The following VPS13D variants were observed in gnomAD, a reference collection of about 807,000 sequenced individuals.
The protein encoded by VPS13D is vacuolar protein sorting 13 homolog D.
VPS13D carries 187 observed loss-of-function variants against 461.9 expected under a neutral mutation model. That is an observed-to-expected ratio of 0.40 (90% CI 0.36 to 0.46). VPS13D has a LOEUF of 0.46. VPS13D is among the 20% of genes least tolerant of loss of function. VPS13D has a pLI of 0.60. For missense variants in VPS13D, 4,711 were observed against 5,364.9 expected, an observed-to-expected ratio of 0.88 and a Z score of 3.81; for synonymous variants, 1,951 against 1,986.3, an observed-to-expected ratio of 0.98 and a Z score of 0.47.
At chr1:12,415,362 T>TG in intron 64 of VPS13D, 141 bp downstream of exon 64, 1 of 1,082,338 alleles carries the variant, frequency 9.2e-7, no homozygotes, top group Non-Finnish European at 1.3e-6. Flanking sequence ...GTCAGGTCAC[T>TG]TCCCAAGAAG....
At chr1:12,363,304 C>A in intron 52 of VPS13D, 57 bp downstream of exon 52, 1 of 1,553,362 alleles carries the variant, frequency 6.4e-7, no homozygotes, top group South Asian at 1.2e-5. Flanking sequence ...AGATGCAGTA[C>A]TGTAATAACA....
intron 49 of VPS13D, among the ~76,000 whole-genome samples, chr1:12,358,020 G>T (rs1325186323): frequency 6.7e-6 from 1 of 149,698 alleles, no homozygotes; most frequent in Non-Finnish European, 1.5e-5. Context: ...AAAAAAAAAA[G>T]TATCAGCCCT....
At chr1:12,339,517 C>A (rs1177298939) in intron 40 of VPS13D, among the ~76,000 whole-genome samples, 1 of 152,186 alleles carries the variant, frequency 6.6e-6, no homozygotes, top group African/African-American at 2.4e-5. Context: ...TAGCTTTAGA[C>A]TCTCTCTCAG....
At chr1:12,417,926 C>T (rs554538115) in intron 65 of VPS13D, among the ~76,000 whole-genome samples, 7 of 151,858 alleles carry the variant, frequency 4.6e-5, no homozygotes, top group South Asian at 2.1e-4. Flanking sequence ...TTCTTTTTCG[C>T]GACAGAGTCT....
chr1:12,436,093 G>C (rs76623169), intron 65 of VPS13D, among the ~76,000 whole-genome samples: 1 of 152,228 alleles, frequency 6.6e-6, no homozygotes, highest in South Asian at 2.1e-4. Flanking sequence ...CTCTGTGCTA[G>C]GCACAGGGGA....
Position 12,484,705 on chromosome 1 carries a change from G to C in VPS13D, c.12663-12795G>C, listed in dbSNP as rs116827138. Among the ~76,000 whole-genome samples the C allele has an allele frequency of 7.8e-3, 1,184 of 152,296 alleles. 16 individuals are homozygous for C. The highest frequency in any genetic ancestry group is 0.026 in the African/African-American group (1,085 of 41,554). ...TTGGTGGCCCAGCAGTCTCAATCCT[G>C]GTTTCTTCTGACCTAAGATTGGTGG... On this transcript the variant is annotated intron_variant, in intron 67 of 69. Transcript: ENST00000620676.
chr1:12,421,001 C>G (rs1012956435), intron 65 of VPS13D, among the ~76,000 whole-genome samples: 22 of 152,102 alleles, frequency 1.4e-4, no homozygotes, highest in Admixed American at 9.2e-4. Flanking sequence ...TTTTCTCCCC[C>G]CAGAGCGTTC....
At chr1:12,246,772 CT>C (rs1053005975) in intron 5 of VPS13D, among the ~76,000 whole-genome samples, 1 of 152,174 alleles carries the variant, frequency 6.6e-6, no homozygotes, top group African/African-American at 2.4e-5. Context: ...TGGCCTCGGG[CT>C]GCCAGAAGCC....
intron 7 of VPS13D, 98 bp downstream of exon 7, chr1:12,253,924 C>T (rs1052721409): frequency 9.3e-6 from 8 of 863,884 alleles, no homozygotes; most frequent in Middle Eastern, 2.2e-4. Context: ...CTCTCTGATT[C>T]CAGTTCCCAC....
chr1:12,380,048 C>G (rs896401727), intron 57 of VPS13D, among the ~76,000 whole-genome samples: 1 of 152,138 alleles, frequency 6.6e-6, no homozygotes, highest in African/African-American at 2.4e-5. Context: ...GGATTACAGG[C>G]GTGAGCCACC....
intron 52 of VPS13D, 66 bp from the exon 53 acceptor site, chr1:12,368,399 TGAG>T: frequency 6.6e-7 from 1 of 1,515,432 alleles, no homozygotes; most frequent in Non-Finnish European, 8.9e-7. Context: ...GTCAGAAATA[TGAG>T]AAGTAAGTGG....
chr1:12,268,152 G>A (rs566212522), intron 15 of VPS13D, among the ~76,000 whole-genome samples: 56 of 149,690 alleles, frequency 3.7e-4, no homozygotes, highest in African/African-American at 1.4e-3. Context: ...GTTTTGCTTT[G>A]TTGTCCAGGC....
At position 12,434,911 on chromosome 1, in the gene VPS13D, A is replaced by G. The variant is rs893788359; in HGVS notation, c.12333+18084A>G. Reference sequence around the variant, plus strand: ...TGTGGTCTGATAAGGAGTAACAACAATGTTAATTTTGTATTTCCTTGGCAT... The same window carrying G: ...TGTGGTCTGATAAGGAGTAACAACAGTGTTAATTTTGTATTTCCTTGGCAT... On this transcript the variant is annotated intron_variant, in intron 65 of 69. Coordinates refer to ENST00000620676, the MANE Select transcript of VPS13D (RefSeq NM_015378.4). 2.0e-5 allele frequency among the ~76,000 whole-genome samples: 3 copies of G among 152,166 alleles called. No individual in the cohort carries two copies. The South Asian group carries it at 6.2e-4, about 32-fold the overall frequency.
At chr1:12,484,642 C>G (rs192233124) in intron 67 of VPS13D, among the ~76,000 whole-genome samples, 1 of 152,300 alleles carries the variant, frequency 6.6e-6, no homozygotes, top group African/African-American at 2.4e-5. Context: ...ACACATTCAG[C>G]ACTCAGTCAG....
At chr1:12,355,686 T>G (rs180816792) in intron 47 of VPS13D, among the ~76,000 whole-genome samples, 44 of 152,316 alleles carry the variant, frequency 2.9e-4, no homozygotes, top group Admixed American at 2.0e-3. Context: ...CATATGATTA[T>G]GCAATTTAGG....
intron 65 of VPS13D, among the ~76,000 whole-genome samples, chr1:12,419,627 G>T (rs1306486089): frequency 6.6e-6 from 1 of 152,118 alleles, no homozygotes; most frequent in Non-Finnish European, 1.5e-5. Flanking sequence ...GATCTCATGA[G>T]AACTTGCTCA....
chr1:12,257,128 C>G (rs771596058), intron 9 of VPS13D, 41 bp downstream of exon 9: 3 of 1,550,388 alleles, frequency 1.9e-6, no homozygotes, highest in Admixed American at 1.7e-5. Context: ...CATGTTAGAG[C>G]CTGTTCTTGC....
In VPS13D at chr1:12,282,121, C is replaced by T. The variant is rs570825951; in HGVS notation, c.4603-584C>T. ...CAAGCTGGTCTTGAACTCCTGGGCT[C>T]ACACAGTCTGCCTGCCTCGGCCTCT... On this transcript the variant is annotated intron_variant, in intron 20 of 69. Coordinates refer to ENST00000620676, the MANE Select transcript of VPS13D (RefSeq NM_015378.4). 2.1e-3 allele frequency among the ~76,000 whole-genome samples: 320 copies of T among 152,312 alleles called. 3 individuals carry two copies. The highest frequency in any genetic ancestry group is 3.3e-3 in the Non-Finnish European group (222 of 68,022).
At chr1:12,346,551 C>A in intron 43 of VPS13D, 54 bp from the exon 44 acceptor site, 1 of 1,568,914 alleles carries the variant, frequency 6.4e-7, no homozygotes, top group Non-Finnish European at 8.7e-7. Flanking sequence ...TTGAATTTAA[C>A]GTTGCTAATT....
Sources: gnomAD v4.1 joint callset for allele counts (sites outside exome capture counted in the v4.1 genomes callset) on GRCh38, gnomAD v4.1.1 for gene constraint, MANE v1.5 for transcripts, NCBI Gene and HGNC (gene_info 2026-07-23, HGNC 2026-07-21) for gene names.